SND1: variants seen among roughly 807,000 people sequenced by gnomAD.
The protein encoded by SND1 is staphylococcal nuclease and tudor domain containing 1, also known as staphylococcal nuclease domain-containing protein 1.
Under a neutral mutation model 121.7 loss-of-function variants are expected in SND1, and 38 were observed. That is an observed-to-expected ratio of 0.31 (90% confidence interval 0.24 to 0.41). The LOEUF is 0.41. Ranked by LOEUF, SND1 falls within the 10% of genes least tolerant of loss-of-function variation. The pLI, the probability that SND1 is intolerant of heterozygous loss-of-function variation, is 1.00. For missense variants in SND1, 868 were observed against 1,184.6 expected (o/e 0.73, Z 3.92); for synonymous variants, 401 against 447.4 (o/e 0.90, Z 1.31).
intron 16 of SND1, chr7:128,030,899 T>G: frequency 5.1e-6 from 2 of 389,514 alleles, no homozygotes; most frequent in Admixed American, 8.4e-5. Context: ...CCCACCCAGT[T>G]CGCCGTCACC....
At chr7:128,005,183 C>G (rs572476802) in intron 16 of SND1, among the ~76,000 whole-genome samples, 1 of 152,308 alleles carries the variant, frequency 6.6e-6, no homozygotes, top group Non-Finnish European at 1.5e-5. Context: ...TTCACAGCAC[C>G]TCTCAATAAT....
rs542732467 is a variant in SND1 at position 127,955,487 on chromosome 7, C to G, written c.1669+26158C>G. Among the ~76,000 whole-genome samples, 14 of 152,234 alleles carry G rather than the reference C, an allele frequency of 9.2e-5. No homozygotes were observed. The East Asian group carries it at 1.4e-3, about 15-fold the overall frequency. On this transcript the variant is annotated intron_variant, in intron 15 of 23. Coordinates refer to ENST00000354725, the MANE Select transcript of SND1 (RefSeq NM_014390.4). ...CAGGGTGGGAAGCTACTTCTCTCCCCCTAGCCAGTGGAGTTGTGGGGGGGT... is the reference window on the plus strand; with the variant it reads ...CAGGGTGGGAAGCTACTTCTCTCCCGCTAGCCAGTGGAGTTGTGGGGGGGT...
chr7:127,861,488 T>G (rs1799377779), intron 12 of SND1, among the ~76,000 whole-genome samples: 1 of 152,204 alleles, frequency 6.6e-6, no homozygotes, highest in Non-Finnish European at 1.5e-5. Flanking sequence ...TGTTTTTTGT[T>G]TTTTGAGACA....
chr7:127,969,913 T>G (rs923903402), intron 15 of SND1, among the ~76,000 whole-genome samples: 5 of 152,212 alleles, frequency 3.3e-5, no homozygotes, highest in Admixed American at 2.0e-4. Context: ...TATCTTTGCC[T>G]TAGTTTATCT....
intron 12 of SND1, among the ~76,000 whole-genome samples, chr7:127,859,065 A>G (rs1799333941): frequency 6.6e-6 from 1 of 152,292 alleles, no homozygotes; most frequent in East Asian, 1.9e-4. Flanking sequence ...TTTCACTGTC[A>G]GAGCAGATCA....
At chr7:127,687,300 TTTA>T (rs1042562994) in intron 2 of SND1, among the ~76,000 whole-genome samples, 2 of 152,182 alleles carry the variant, frequency 1.3e-5, no homozygotes, top group African/African-American at 4.8e-5. Flanking sequence ...AGGCCCATAT[TTTA>T]TTATTTTATT....
At chr7:127,770,655 A>G (rs2116496675) in intron 10 of SND1, among the ~76,000 whole-genome samples, 1 of 152,268 alleles carries the variant, frequency 6.6e-6, no homozygotes, top group African/African-American at 2.4e-5. Context: ...TGTAACCACT[A>G]TGCCTTACTC....
At chr7:127,702,380 T>C in intron 5 of SND1, 55 bp from the exon 6 acceptor site, 1 of 1,518,604 alleles carries the variant, frequency 6.6e-7, no homozygotes, top group South Asian at 1.1e-5. Context: ...TTGGGCAGTG[T>C]TTATCCTTGT....
chr7:127,985,887 C>A (rs1044296194), intron 15 of SND1, among the ~76,000 whole-genome samples: 3 of 152,180 alleles, frequency 2.0e-5, no homozygotes, highest in Non-Finnish European at 2.9e-5. Flanking sequence ...GAGAACACAG[C>A]GGGCATGCAG....
chr7:127,833,029 G>T (rs1798792004), intron 11 of SND1, among the ~76,000 whole-genome samples: 1 of 152,096 alleles, frequency 6.6e-6, no homozygotes, highest in South Asian at 2.1e-4. Flanking sequence ...TCGGTCCCTG[G>T]TGCCAAAAGG....
intron 13 of SND1, among the ~76,000 whole-genome samples, chr7:127,894,934 A>G (rs975386456): frequency 6.6e-6 from 1 of 152,060 alleles, no homozygotes; most frequent in Admixed American, 6.6e-5. Flanking sequence ...CAGGCATTAA[A>G]TAATTTTATT....
intron 13 of SND1, among the ~76,000 whole-genome samples, chr7:127,894,394 A>G (rs1158810569): frequency 1.3e-5 from 2 of 151,992 alleles, no homozygotes; most frequent in East Asian, 3.9e-4. Context: ...AAAAAAAAAA[A>G]AAAGAAGAAA....
At chr7:127,687,992 G>C (rs1185555270) in intron 2 of SND1, among the ~76,000 whole-genome samples, 1 of 152,094 alleles carries the variant, frequency 6.6e-6, no homozygotes, top group African/African-American at 2.4e-5. Context: ...GCCTATTCCA[G>C]ATTCTTAATC....
chr7:127,959,506 C>T (rs1307644887), intron 15 of SND1, among the ~76,000 whole-genome samples: 2 of 152,186 alleles, frequency 1.3e-5, no homozygotes, highest in African/African-American at 4.8e-5. Flanking sequence ...TCCTGCTCTT[C>T]CCACTTCACT....
intron 14 of SND1, among the ~76,000 whole-genome samples, chr7:127,918,664 G>A (rs1186143726): frequency 6.6e-6 from 1 of 152,164 alleles, no homozygotes; most frequent in Admixed American, 6.5e-5. Context: ...TTGGATGAAT[G>A]AACGCTGTAA....
At chr7:127,913,347 A>G (rs976892948) in intron 14 of SND1, among the ~76,000 whole-genome samples, 1 of 152,198 alleles carries the variant, frequency 6.6e-6, no homozygotes, top group Non-Finnish European at 1.5e-5. Flanking sequence ...TGCACTCAGC[A>G]TTTGCAACAG....
At chr7:127,971,110 C>T (rs2116885780) in intron 15 of SND1, among the ~76,000 whole-genome samples, 1 of 152,304 alleles carries the variant, frequency 6.6e-6, no homozygotes, top group South Asian at 2.1e-4. Flanking sequence ...TTCCCAGCCC[C>T]AAGCCACCCT....
At chr7:127,685,745 C>G (rs1795801132) in intron 1 of SND1, among the ~76,000 whole-genome samples, 1 of 152,190 alleles carries the variant, frequency 6.6e-6, no homozygotes, top group African/African-American at 2.4e-5. Flanking sequence ...ACGTTTTAAT[C>G]ATGTAGGGCA....
chr7:127,935,331 A>T (rs1160778094), intron 15 of SND1, among the ~76,000 whole-genome samples: 1 of 152,246 alleles, frequency 6.6e-6, no homozygotes, highest in Non-Finnish European at 1.5e-5. Context: ...TTCAAGAATC[A>T]AGAAGGTATG....
Sources: gnomAD v4.1 joint callset for allele counts (sites outside exome capture counted in the v4.1 genomes callset) on GRCh38, gnomAD v4.1.1 for gene constraint, MANE v1.5 for transcripts, NCBI Gene and HGNC (gene_info 2026-07-23, HGNC 2026-07-21) for gene names.